PLD1: variants seen among roughly 807,000 people sequenced by gnomAD.
PLD1 encodes choline phosphatase 1.
In PLD1, 112 loss-of-function variants were observed where a neutral mutation model predicts 137.1. That is an observed-to-expected ratio of 0.82 (90% CI 0.70 to 0.96). PLD1 has a LOEUF of 0.96. Among genes scored for constraint, PLD1 ranks in the 40% least tolerant of loss-of-function variants. The probability of loss-of-function intolerance (pLI) is 0.00; values close to 1 mark genes in which losing one functional copy is unlikely to be tolerated. For missense variants in PLD1, 1,321 were observed against 1,342.0 expected (o/e 0.98, Z 0.24); for synonymous variants, 431 against 454.7 (o/e 0.95, Z 0.66).
chr3:171,801,883 T>C (rs1324660402), intron 1 of PLD1, among the ~76,000 whole-genome samples: 1 of 152,276 alleles, frequency 6.6e-6, no homozygotes, highest in Non-Finnish European at 1.5e-5. Context: ...AATCGATCCA[T>C]TCTATCACAG....
At chr3:171,724,898 TC>T in intron 7 of PLD1, 110 bp from the exon 8 acceptor site, 1 of 731,282 alleles carries the variant, frequency 1.4e-6, no homozygotes, top group East Asian at 2.6e-5. Flanking sequence ...CACATGACTT[TC>T]CTCCCTACTC....
At chr3:171,782,082 T>C (rs944536179) in intron 1 of PLD1, among the ~76,000 whole-genome samples, 9 of 152,230 alleles carry the variant, frequency 5.9e-5, no homozygotes, top group Non-Finnish European at 2.9e-5. Context: ...ATACACATGA[T>C]ATGAATACAT....
intron 1 of PLD1, among the ~76,000 whole-genome samples, chr3:171,803,446 G>A (rs570951985): frequency 6.6e-6 from 1 of 152,334 alleles, no homozygotes; most frequent in South Asian, 2.1e-4. Context: ...GGGTGGAGGA[G>A]AAACCCTAAC....
At chr3:171,694,161 G>T (rs1446214660) in intron 12 of PLD1, among the ~76,000 whole-genome samples, 2 of 151,814 alleles carry the variant, frequency 1.3e-5, no homozygotes, top group Admixed American at 6.6e-5. Flanking sequence ...ATTTCTGGAG[G>T]TGCACACTAG....
chr3:171,802,784 C>T (rs946192221), intron 1 of PLD1, among the ~76,000 whole-genome samples: 1 of 152,152 alleles, frequency 6.6e-6, no homozygotes, highest in Non-Finnish European at 1.5e-5. Context: ...AAGAGTGGCC[C>T]CTGATTACCA....
At chr3:171,616,293 AT>A (rs1733106197) in intron 24 of PLD1, among the ~76,000 whole-genome samples, 1 of 152,030 alleles carries the variant, frequency 6.6e-6, no homozygotes, top group African/African-American at 2.4e-5. Context: ...AAATTTCTGA[AT>A]TTTAATGCAG....
chr3:171,640,337 G>T (rs1735631476), intron 23 of PLD1, among the ~76,000 whole-genome samples: 1 of 152,006 alleles, frequency 6.6e-6, no homozygotes, highest in Non-Finnish European at 1.5e-5. Flanking sequence ...TGCTATAGCT[G>T]CCTCTCATAA....
At chr3:171,655,069 G>A (rs1055222799) in intron 21 of PLD1, among the ~76,000 whole-genome samples, 1 of 152,212 alleles carries the variant, frequency 6.6e-6, no homozygotes, top group South Asian at 2.1e-4. Context: ...CTCCAGGGTA[G>A]GAGGGACCTG....
intron 1 of PLD1, among the ~76,000 whole-genome samples, chr3:171,782,952 G>T (rs901495617): frequency 1.3e-5 from 2 of 152,190 alleles, no homozygotes; most frequent in Admixed American, 6.5e-5. Context: ...GGGTGCAATG[G>T]ATGTCAACCA....
intron 11 of PLD1, among the ~76,000 whole-genome samples, chr3:171,707,740 T>C (rs1250679946): frequency 1.3e-5 from 2 of 152,184 alleles, no homozygotes; most frequent in Non-Finnish European, 2.9e-5. Context: ...TACTGGTACC[T>C]AGTGGATGCC....
At chr3:171,674,465 C>T (rs1259911439) in intron 19 of PLD1, 35 bp downstream of exon 19, 1 of 1,093,948 alleles carries the variant, frequency 9.1e-7, no homozygotes, top group East Asian at 2.4e-5. Flanking sequence ...TACTCAGTAG[C>T]ATTTTGTCAA....
At chr3:171,709,127 TTACA>T (rs1716942163) in intron 10 of PLD1, among the ~76,000 whole-genome samples, 1 of 152,216 alleles carries the variant, frequency 6.6e-6, no homozygotes. Context: ...CCTGTTGAAC[TTACA>T]TACAGTTTTT....
chr3:171,709,542 A>G lies in PLD1; in HGVS notation c.1061+18T>C. ...ATGCTATGACTGCCTTGACAGGCTTAGAGAAATAATAACTTACCATTTAGC... is the reference window on the plus strand; with the variant it reads ...ATGCTATGACTGCCTTGACAGGCTTGGAGAAATAATAACTTACCATTTAGC... On this transcript the variant is annotated intron_variant, in intron 10 of 26. Transcript: ENST00000351298. The G allele has an allele frequency of 6.2e-7, 1 of 1,611,018 alleles. No homozygotes were observed.
At chr3:171,681,303 T>C (rs1713946592) in intron 16 of PLD1, among the ~76,000 whole-genome samples, 1 of 152,154 alleles carries the variant, frequency 6.6e-6, no homozygotes, top group East Asian at 1.9e-4. Context: ...TGTAATATAG[T>C]AGAGGGTATA....
At chr3:171,663,190 T>A (rs1282924541) in intron 19 of PLD1, among the ~76,000 whole-genome samples, 2 of 152,246 alleles carry the variant, frequency 1.3e-5, no homozygotes, top group Admixed American at 1.3e-4. Context: ...CAGTTTATTC[T>A]TTGGAGGATT....
rs1388272166 is a variant in PLD1 at position 171,620,404 on chromosome 3, C to T, written c.2710G>A (p.Asp904Asn). 2.5e-6 allele frequency: 4 copies of T among 1,597,032 alleles called. No individual in the cohort carries two copies. The highest frequency in any genetic ancestry group is 3.4e-6 in the Non-Finnish European group (4 of 1,167,802). The part of the protein sequence containing the change: ...YVHSKLLIAD[D>N]NTVIIGSANI... ...TACTTACCAATAATAACAGTGTTAT[C>T]ATCAGCAATTAACAACTTGCTGTGG... The change falls in exon 24 of 27, where the codon GAT becomes AAT. Residue 904 changes from aspartate (D) to asparagine (N), a missense_variant. Physicochemically the swap from Asp to Asn is conservative, Grantham distance 23. Coordinates refer to ENST00000351298, the MANE Select transcript of PLD1 (RefSeq NM_002662.5).
intron 11 of PLD1, among the ~76,000 whole-genome samples, chr3:171,705,455 G>A (rs1716603997): frequency 2.0e-5 from 3 of 152,110 alleles, no homozygotes; most frequent in Admixed American, 2.0e-4. Flanking sequence ...TTTCTCAACA[G>A]AAATCATGGA....
At chr3:171,714,141 A>C in intron 8 of PLD1, 96 bp from the exon 9 acceptor site, 2 of 723,308 alleles carry the variant, frequency 2.8e-6, no homozygotes, top group Non-Finnish European at 4.7e-6. Flanking sequence ...TCACTCTGGC[A>C]GACTGTAGAC....
intron 8 of PLD1, among the ~76,000 whole-genome samples, chr3:171,721,973 T>C (rs917748932): frequency 7.9e-5 from 12 of 152,158 alleles, no homozygotes; most frequent in African/African-American, 2.9e-4. Context: ...GATGCCAGTA[T>C]TAATTTTATA....
Sources: gnomAD v4.1 joint callset for allele counts (sites outside exome capture counted in the v4.1 genomes callset) on GRCh38, gnomAD v4.1.1 for gene constraint, MANE v1.5 for transcripts, NCBI Gene and HGNC (gene_info 2026-07-23, HGNC 2026-07-21) for gene names.